Variants in TRAK1 observed in about 807,000 individuals in gnomAD.
The protein encoded by TRAK1 is trafficking kinesin-binding protein 1.
TRAK1 carries 33 observed loss-of-function variants against 92.1 expected under a neutral mutation model. The ratio of observed to expected loss-of-function variants is 0.36; its 90% CI spans 0.27 to 0.48. The LOEUF (loss-of-function observed/expected upper bound fraction) is 0.48, where lower values mean the gene tolerates loss of function less well. Ranked by LOEUF, TRAK1 falls within the 20% of genes least tolerant of loss-of-function variation. The probability of loss-of-function intolerance (pLI) is 0.99; values close to 1 mark genes in which losing one functional copy is unlikely to be tolerated. For synonymous variants in TRAK1, 521 were observed against 517.3 expected (o/e 1.01, Z -0.10); for missense variants, 1,123 against 1,257.9 (o/e 0.89, Z 1.62).
chr3:42,039,931 G>T (rs939326180), intron 1 of TRAK1, among the ~76,000 whole-genome samples: 12 of 152,150 alleles, frequency 7.9e-5, no homozygotes, highest in Admixed American at 7.2e-4. Flanking sequence ...GGGTATGAAG[G>T]GCTATCTCAT....
intron 1 of TRAK1, among the ~76,000 whole-genome samples, chr3:42,105,712 A>G (rs535894300): frequency 2.0e-5 from 3 of 152,294 alleles, no homozygotes; most frequent in South Asian, 4.1e-4. Context: ...CAAGACACAT[A>G]ATTGTCAGAT....
intron 1 of TRAK1, among the ~76,000 whole-genome samples, chr3:42,041,889 G>A (rs1292770780): frequency 2.0e-5 from 3 of 151,988 alleles, no homozygotes; most frequent in East Asian, 3.9e-4. Flanking sequence ...CCGCCTCCCG[G>A]GTTCAAGCGA....
chr3:42,187,958 C>A, intron 4 of TRAK1, 87 bp from the exon 5 acceptor site: 1 of 1,091,052 alleles, frequency 9.2e-7, no homozygotes, highest in Non-Finnish European at 1.4e-6. Flanking sequence ...AAAATATTGT[C>A]CCTAAGTGTT....
intron 12 of TRAK1, among the ~76,000 whole-genome samples, chr3:42,201,411 T>C (rs1302526834): frequency 6.6e-6 from 1 of 151,698 alleles, no homozygotes; most frequent in Non-Finnish European, 1.5e-5. Flanking sequence ...AGCAAGCTGA[T>C]AATTGCACCA....
chr3:42,160,566 T>G lies in TRAK1; in HGVS notation c.287-16248T>G, dbSNP rs1701162487. On this transcript the variant is annotated intron_variant, in intron 2 of 15. Coordinates refer to ENST00000327628, the MANE Select transcript of TRAK1 (RefSeq NM_001042646.3). ...GCTGATTTCATAGCACTGTTTTGTT[T>G]TTGTTTTTTTTTAAGTTGAGGTATA... The G allele has an allele frequency of 1.4e-5, 19 of 1,325,236 alleles. 2 individuals carry two copies. Among genetic ancestry groups the G allele is most frequent in the Middle Eastern group, 1.9e-4 (1 of 5,176 alleles). 82.1% of individuals were successfully genotyped at this position (1,325,236 alleles called of 1,614,324 possible).
At chr3:42,042,295 C>T (rs933161325) in intron 1 of TRAK1, among the ~76,000 whole-genome samples, 1 of 151,018 alleles carries the variant, frequency 6.6e-6, no homozygotes, top group African/African-American at 2.5e-5. Flanking sequence ...TTTTCTGCAT[C>T]TATTGAGATG....
chr3:42,016,022 G>A (rs1701509947), intron 1 of TRAK1, among the ~76,000 whole-genome samples: 1 of 152,020 alleles, frequency 6.6e-6, no homozygotes, highest in Non-Finnish European at 1.5e-5. Context: ...GGGCGACAGA[G>A]CAAGACCCCA....
chr3:42,035,478 G>T (rs12106811), intron 1 of TRAK1, among the ~76,000 whole-genome samples: 37,645 of 152,010 alleles, frequency 0.25, 5,685 homozygotes, highest in African/African-American at 0.42. Context: ...GCCATTACCC[G>T]TTCCCTGCCA....
chr3:42,022,806 C>A (rs1474338090), intron 1 of TRAK1, among the ~76,000 whole-genome samples: 1 of 151,364 alleles, frequency 6.6e-6, no homozygotes, highest in Non-Finnish European at 1.5e-5. Context: ...AAACTTTTAG[C>A]TGGGGTAAGT....
chr3:42,058,533 G>A (rs1321616550), intron 1 of TRAK1, among the ~76,000 whole-genome samples: 1 of 152,132 alleles, frequency 6.6e-6, no homozygotes, highest in Non-Finnish European at 1.5e-5. Context: ...TGGTAGAGAC[G>A]AGGTTTCACC....
intron 1 of TRAK1, among the ~76,000 whole-genome samples, chr3:42,058,756 G>A (rs1330710223): frequency 6.6e-6 from 1 of 152,120 alleles, no homozygotes; most frequent in Non-Finnish European, 1.5e-5. Context: ...GAATTGTTGC[G>A]CTGAGCTCCC....
chr3:42,212,094 T>G (rs1361672484), intron 14 of TRAK1: 4 of 985,276 alleles, frequency 4.1e-6, no homozygotes, highest in Non-Finnish European at 3.6e-6. Flanking sequence ...CCATTTTGAT[T>G]CTTAGAATGT....
chr3:42,171,437 A>G (rs1693311225), intron 2 of TRAK1, among the ~76,000 whole-genome samples: 2 of 152,212 alleles, frequency 1.3e-5, no homozygotes, highest in South Asian at 4.1e-4. Flanking sequence ...AGCTTTTATC[A>G]AGCTTGTTAA....
intron 5 of TRAK1, among the ~76,000 whole-genome samples, chr3:42,188,676 CAG>C (rs1396783218): frequency 6.6e-6 from 1 of 152,246 alleles, no homozygotes; most frequent in African/African-American, 2.4e-5. Flanking sequence ...ACTTAGGTCA[CAG>C]AGTTATAAGC....
rs71315520 is a variant in TRAK1 at position 42,093,654 on chromosome 3, T to C, written c.91+2094T>C. ...TTCTCTCTTCTCTTTTTTCTCCCCTTCCCTTCCCTTCCCTCCCCTCCCCTC... is the reference window on the plus strand; with the variant it reads ...TTCTCTCTTCTCTTTTTTCTCCCCTCCCCTTCCCTTCCCTCCCCTCCCCTC... On this transcript the variant is annotated intron_variant, in intron 1 of 15. Transcript: ENST00000327628. Among the ~76,000 whole-genome samples the C allele has an allele frequency of 5.3e-3, 185 of 35,172 alleles. 2 individuals carry two copies. Among genetic ancestry groups the C allele is most frequent in the East Asian group, 0.015 (17 of 1,126 alleles). 23.1% of individuals were successfully genotyped at this position (35,172 alleles called of 152,430 possible).
At position 42,200,814 on chromosome 3, in the gene TRAK1, C is replaced by T; in HGVS notation, c.1191-4C>T. ...CACTCACGGATGCCGTGCATTCTCC[C>T]TAGTCACCAGAAGCGTGTCTTTGAG... On this transcript the variant is annotated splice_region_variant and splice_polypyrimidine_tract_variant and intron_variant, in intron 11 of 15. Transcript: ENST00000327628. The T allele has an allele frequency of 6.2e-7, 1 of 1,614,110 alleles. No individual in the cohort carries two copies. The highest frequency in any genetic ancestry group is 2.2e-5 in the East Asian group (1 of 44,882).
rs1217934618 is a variant in TRAK1, at chr3:42,209,824, T to C, written c.1802T>C (p.Leu601Pro). 6.2e-7 allele frequency: 1 copy of C among 1,614,228 alleles called. No individual in the cohort carries two copies. Among genetic ancestry groups the C allele is most frequent in the Admixed American group, 1.7e-5 (1 of 60,026 alleles). ...QLAQPHLGGI[L>P]DPRPGVVTKG... ...GCCCAACCTCACCTTGGGGGCATCC[T>C]GGACCCCCGGCCCGGTGTGGTCACC... The change falls in exon 14 of 16, where the codon CTG becomes CCG. Residue 601 changes from leucine (L) to proline (P), a missense_variant. Coordinates refer to ENST00000327628, the MANE Select transcript of TRAK1 (RefSeq NM_001042646.3).
chr3:42,113,444 G>C (rs1454700983), intron 1 of TRAK1, among the ~76,000 whole-genome samples: 1 of 141,810 alleles, frequency 7.1e-6, no homozygotes, highest in Admixed American at 7.0e-5. Flanking sequence ...AGGCAGAGAG[G>C]CAGAGTTTCA....
intron 14 of TRAK1, chr3:42,212,047 T>C (rs1709106303): frequency 1.0e-6 from 1 of 985,302 alleles, no homozygotes; most frequent in African/African-American, 1.7e-5. Flanking sequence ...GGGAGAACAA[T>C]GAATTGGCTC....
Sources: allele counts gnomAD v4.1 joint callset (sites outside exome capture counted in the v4.1 genomes callset), GRCh38; gene constraint gnomAD v4.1.1; transcripts MANE v1.5; gene names NCBI Gene and HGNC (gene_info 2026-07-23, HGNC 2026-07-21).